PIP5K1C: variants seen among roughly 807,000 people sequenced by gnomAD.
PIP5K1C encodes the protein phosphatidylinositol 4-phosphate 5-kinase type-1 gamma.
In PIP5K1C, 45 loss-of-function variants were observed where a neutral mutation model predicts 80.1. That is an observed-to-expected ratio of 0.56 (90% CI 0.44 to 0.72). The LOEUF (loss-of-function observed/expected upper bound fraction) is 0.72, where lower values mean the gene tolerates loss of function less well. PIP5K1C is among the 30% of genes least tolerant of loss of function. The pLI is 0.00. For synonymous variants in PIP5K1C, 498 were observed against 420.1 expected (o/e 1.19, Z -2.27); for missense variants, 753 against 954.6 (o/e 0.79, Z 2.78).
At position 3,692,717 on chromosome 19, in the gene PIP5K1C, C is replaced by A. The variant is rs980999904; in HGVS notation, c.94+7580G>T. 2.6e-5 allele frequency among the ~76,000 whole-genome samples: 4 copies of A among 152,150 alleles called. No individual in the cohort carries two copies. In the South Asian group the frequency reaches 8.3e-4, roughly 32 times the overall value. On this transcript the variant is annotated intron_variant, in intron 1 of 17. Transcript: ENST00000335312. The surrounding 1 kb of genome is among the most constrained non-coding windows in gnomAD (Gnocchi z 5.2). Reference sequence around the variant, plus strand: ...GGTGCCTGTGAGCTCCTGAGTCTCGCCCATCCCTCCTCTGCCCGCAGCCCT... The same window carrying A: ...GGTGCCTGTGAGCTCCTGAGTCTCGACCATCCCTCCTCTGCCCGCAGCCCT...
At position 3,637,028 on chromosome 19, in the gene PIP5K1C, A is replaced by ATCTGTGAGGTGGGTGTGGAGAGACCATC. The variant is rs570779352; in HGVS notation, c.1920+1828_1920+1855dup. 3.3e-4 allele frequency: 352 copies of ATCTGTGAGGTGGGTGTGGAGAGACCATC among 1,061,900 alleles called. No individual in the cohort carries two copies. The African/African-American group carries it at 5.7e-3, about 17-fold the overall frequency. 65.8% of individuals were successfully genotyped at this position (1,061,900 alleles called of 1,614,324 possible). ...GGGGAGCCGAGGCCTCAGCGCCTCC[A>ATCTGTGAGGTGGGTGTGGAGAGACCATC]TCTGTGAGGTGGGTGTGGAGAGACC... On this transcript the variant is annotated intron_variant, in intron 16 of 17. Coordinates refer to ENST00000335312, the MANE Select transcript of PIP5K1C (RefSeq NM_012398.3). This position sits in a 1 kb window ranked among gnomAD's most constrained non-coding sequence, Gnocchi z 7.0.
In PIP5K1C at chr19:3,696,415, T is replaced by C. The variant is rs956566081; in HGVS notation, c.94+3882A>G. Among the ~76,000 whole-genome samples, 1 of 152,184 alleles carries C rather than the reference T, an allele frequency of 6.6e-6. No homozygotes were observed. Among genetic ancestry groups the C allele is most frequent in the Non-Finnish European group, 1.5e-5 (1 of 68,034 alleles). On this transcript the variant is annotated intron_variant, in intron 1 of 17. Coordinates refer to ENST00000335312, the MANE Select transcript of PIP5K1C (RefSeq NM_012398.3). The surrounding 1 kb of genome is among the most constrained non-coding windows in gnomAD (Gnocchi z 4.1). ...CAGAAAACACGTCAGCAGAGCCATA[T>C]GTTTCAGGTGGTGACAAACGCTATG...
At chr19:3,686,934 G>A (rs764210882) in intron 1 of PIP5K1C, among the ~76,000 whole-genome samples, 3 of 151,508 alleles carry the variant, frequency 2.0e-5, no homozygotes, top group East Asian at 2.0e-4. Context: ...GGCTCACACC[G>A]GTAATCCCAG....
intron 1 of PIP5K1C, among the ~76,000 whole-genome samples, chr19:3,694,677 T>C (rs1205096495): frequency 6.6e-6 from 1 of 152,238 alleles, no homozygotes; most frequent in Non-Finnish European, 1.5e-5. Flanking sequence ...ACTTCACTTC[T>C]GCGGCTCAAG....
At position 3,643,296 on chromosome 19, in the gene PIP5K1C, G is replaced by A. The variant is rs1463196237; in HGVS notation, c.1596C>T (p.Ser532=). The change falls in exon 13 of 18, where the codon TCC becomes TCT. Residue 532 remains serine (S), a synonymous_variant. Coordinates refer to ENST00000335312, the MANE Select transcript of PIP5K1C (RefSeq NM_012398.3). ...ASIATTLSST[S]LSIPERSPSE... ...AGGGGGACCGCTCAGGAATGGAGAG[G>A]GATGTGGATGACAGAGTCGTGGCAA... 1 of 1,614,060 alleles carries A rather than the reference G, an allele frequency of 6.2e-7. No individual in the cohort carries two copies. The highest frequency in any genetic ancestry group is 8.5e-7 in the Non-Finnish European group (1 of 1,179,986).
In PIP5K1C at chr19:3,638,780, C is replaced by G. The variant is rs760895362; in HGVS notation, c.1920+104G>C. The G allele has an allele frequency of 1.0e-5, 15 of 1,481,210 alleles. No homozygotes were observed. In the Admixed American group the frequency reaches 2.3e-4, roughly 23 times the overall value. The allele number at this position is 1,481,210 out of a possible 1,614,324, so 91.8% of individuals were successfully genotyped here. On this transcript the variant is annotated intron_variant, in intron 16 of 17. Transcript: ENST00000335312. Reference sequence around the variant, plus strand: ...TGGGTGGGTCGACAGGGCACACTCACGTGCCTGTGTGCAGGTGTGTGTATG... The same window carrying G: ...TGGGTGGGTCGACAGGGCACACTCAGGTGCCTGTGTGCAGGTGTGTGTATG...
chr19:3,669,176 G>A (rs1367477855), intron 1 of PIP5K1C, among the ~76,000 whole-genome samples: 1 of 152,194 alleles, frequency 6.6e-6, no homozygotes, highest in Non-Finnish European at 1.5e-5. Context: ...GCTGGGGCAG[G>A]CCCTCAAAGG....
At chr19:3,681,595 G>A (rs1033974412) in intron 1 of PIP5K1C, among the ~76,000 whole-genome samples, 3 of 152,038 alleles carry the variant, frequency 2.0e-5, no homozygotes, top group African/African-American at 7.3e-5. Flanking sequence ...ACATCCCCCC[G>A]CGGGCTGGTG....
At chr19:3,678,857 G>A (rs2035499858) in intron 1 of PIP5K1C, among the ~76,000 whole-genome samples, 1 of 144,994 alleles carries the variant, frequency 6.9e-6, no homozygotes, top group Non-Finnish European at 1.5e-5. Context: ...GGGATGGAGG[G>A]ATGGCGGGAT....
At chr19:3,661,480 G>A (rs778125703) in intron 4 of PIP5K1C, among the ~76,000 whole-genome samples, 6 of 152,220 alleles carry the variant, frequency 3.9e-5, no homozygotes, top group Non-Finnish European at 5.9e-5. Context: ...GAATGCAGCC[G>A]TGATGGCAGG....
At chr19:3,643,044 G>T in intron 13 of PIP5K1C, 105 bp from the exon 14 acceptor site, 1 of 1,490,540 alleles carries the variant, frequency 6.7e-7, no homozygotes, top group Non-Finnish European at 9.3e-7. Flanking sequence ...TGGCAGCCCT[G>T]CCCACCTGTA....
chr19:3,698,675 G>A (rs1028381594), intron 1 of PIP5K1C, among the ~76,000 whole-genome samples: 16 of 151,984 alleles, frequency 1.1e-4, no homozygotes, highest in Admixed American at 1.0e-3. Context: ...CTCTGCCAAG[G>A]CACAGAAGCC....
chr19:3,682,900 T>C (rs985136748), intron 1 of PIP5K1C, among the ~76,000 whole-genome samples: 2 of 151,746 alleles, frequency 1.3e-5, no homozygotes, highest in African/African-American at 2.4e-5. Context: ...CAATGAACGT[T>C]TGCTGGACAG....
At chr19:3,678,068 G>C (rs1254481395) in intron 1 of PIP5K1C, among the ~76,000 whole-genome samples, 3 of 133,432 alleles carry the variant, frequency 2.2e-5, no homozygotes, top group Non-Finnish European at 4.9e-5. Flanking sequence ...GGGATGGAGA[G>C]ATGGAAGGAG....
Position 3,643,302 on chromosome 19 carries a change from G to A in PIP5K1C, c.1590C>T (p.Ser530=). Residue 530 remains serine (S), a synonymous_variant, in exon 13 of 18, where the codon TCC becomes TCT. Transcript: ENST00000335312. ...TTASIATTLS[S]TSLSIPERSP... ...ACCGCTCAGGAATGGAGAGGGATGT[G>A]GATGACAGAGTCGTGGCAATGGAGG... 1 of 1,614,038 alleles carries A rather than the reference G, an allele frequency of 6.2e-7. No individual in the cohort carries two copies. The highest frequency in any genetic ancestry group is 8.5e-7 in the Non-Finnish European group (1 of 1,179,970).
intron 15 of PIP5K1C, among the ~76,000 whole-genome samples, chr19:3,640,598 G>C (rs1325537977): frequency 6.6e-6 from 1 of 152,232 alleles, no homozygotes. Context: ...TAAAAAAACA[G>C]ATATTTCTTT....
rs762025481 is a variant in PIP5K1C at position 3,653,344 on chromosome 19, C to A, written c.867G>T (p.Leu289=). The change falls in exon 7 of 18, where the codon CTG becomes CTT. Residue 289 remains leucine, a synonymous_variant. Coordinates refer to ENST00000335312, the MANE Select transcript of PIP5K1C (RefSeq NM_012398.3). The stretch of plus-strand genomic sequence containing the variant: ...GGGCGCTGAAGGTGTCGGCGTCCAG[C>A]AGGAGCCCCTCGGGCATGTCCTGCA... ...DFMQDMPEGL[L]LDADTFSALV... 5 of 1,611,710 alleles carry A rather than the reference C, an allele frequency of 3.1e-6. No individual in the cohort carries two copies. The highest frequency in any genetic ancestry group is 4.2e-6 in the Non-Finnish European group (5 of 1,180,014).
intron 1 of PIP5K1C, among the ~76,000 whole-genome samples, chr19:3,679,140 G>C (rs1287709058): frequency 6.6e-6 from 1 of 152,072 alleles, no homozygotes; most frequent in African/African-American, 2.4e-5. Context: ...TCCCCCAGGG[G>C]AAAGGTGAGT....
chr19:3,653,691 G>C, intron 6 of PIP5K1C, 102 bp from the exon 7 acceptor site: 1 of 1,115,882 alleles, frequency 9.0e-7, no homozygotes, highest in South Asian at 1.5e-5. Flanking sequence ...GATGCCCCTG[G>C]CCAGCCCCCC....
Sources: allele counts gnomAD v4.1 joint callset (sites outside exome capture counted in the v4.1 genomes callset), GRCh38; gene constraint gnomAD v4.1.1; non-coding constraint Gnocchi (gnomAD v3.1); transcripts MANE v1.5; gene names NCBI Gene and HGNC (gene_info 2026-07-23, HGNC 2026-07-21).